The following AFAP1L2 variants were observed in gnomAD, a reference collection of about 807,000 sequenced individuals.
The protein encoded by AFAP1L2 is actin filament-associated protein 1-like 2.
In AFAP1L2, 46 loss-of-function variants were observed where a neutral mutation model predicts 99.3. The ratio of observed to expected loss-of-function variants is 0.46; its 90% CI spans 0.37 to 0.59. The LOEUF (loss-of-function observed/expected upper bound fraction) is 0.59, where lower values mean the gene tolerates loss of function less well. AFAP1L2 is among the 20% of genes least tolerant of loss of function. The pLI is 0.00. For missense variants in AFAP1L2, 959 were observed against 1,034.9 expected, an observed-to-expected ratio of 0.93 and a Z score of 1.01; for synonymous variants, 397 against 419.1, an observed-to-expected ratio of 0.95 and a Z score of 0.64.
chr10:114,299,547 G>T lies in AFAP1L2; in HGVS notation c.1958-132C>A. 2.9e-6 allele frequency: 3 copies of T among 1,049,084 alleles called. 1 individual carries two copies. 65.0% of individuals were successfully genotyped at this position (1,049,084 alleles called of 1,614,324 possible). ...CCTGCTAGGCTGGATGCCAGACCTG[G>T]ACAGGTCCCTCTACCTCTCTGAACT... is the stretch of plus-strand genomic sequence containing the variant. On this transcript the variant is annotated intron_variant, in intron 15 of 18. Transcript: ENST00000304129.
intron 1 of AFAP1L2, chr10:114,398,884 C>T (rs757596843): frequency 2.5e-5 from 33 of 1,304,228 alleles, no homozygotes; most frequent in South Asian, 3.7e-5. Flanking sequence ...CTCTGTACCA[C>T]CAGACAGCAA....
rs570957548 is a variant in AFAP1L2 at position 114,303,869 on chromosome 10, G to A, written c.1284+850C>T. On this transcript the variant is annotated intron_variant, in intron 11 of 18. Coordinates refer to ENST00000304129, the MANE Select transcript of AFAP1L2 (RefSeq NM_001001936.3). ...GCTCCAGCCTGTCACCCAGACCCCA[G>A]TACAAGTCTATAGCACCCTCCCCAC... 5.3e-5 allele frequency among the ~76,000 whole-genome samples: 8 copies of A among 152,296 alleles called. No individual in the cohort carries two copies. The South Asian group carries it at 1.2e-3, about 24-fold the overall frequency.
rs139204502 is a variant in AFAP1L2 at position 114,402,183 on chromosome 10, C to A, written c.16+2257G>T. Among the ~76,000 whole-genome samples the A allele has an allele frequency of 4.0e-3, 616 of 152,284 alleles. 3 individuals are homozygous for A. The highest frequency in any genetic ancestry group is 0.014 in the African/African-American group (575 of 41,548). On this transcript the variant is annotated intron_variant, in intron 1 of 18. Transcript: ENST00000304129. ...TATTCCAATAACTATTCAATCTCAA[C>A]TTTAAGAAGATGGCCCCAGTCTCTG...
At chr10:114,334,018 C>T (rs1216188262) in intron 2 of AFAP1L2, among the ~76,000 whole-genome samples, 2 of 152,068 alleles carry the variant, frequency 1.3e-5, no homozygotes, top group East Asian at 1.9e-4. Context: ...AAGTTTAGTT[C>T]GCAGGCCTCT....
downstream of AFAP1L2, chr10:114,290,453 C>G (rs1589850488): frequency 1.3e-6 from 2 of 1,508,232 alleles, no homozygotes; most frequent in Non-Finnish European, 1.8e-6. Flanking sequence ...AAGGCAGGTT[C>G]TAAAACATTC....
At chr10:114,306,163 A>G (rs1347899749) in intron 10 of AFAP1L2, among the ~76,000 whole-genome samples, 1 of 90,160 alleles carries the variant, frequency 1.1e-5, no homozygotes, top group Non-Finnish European at 2.2e-5. Flanking sequence ...GCAGGACGGG[A>G]TGGGGCTGCA....
chr10:114,317,610 G>A (rs767241237), intron 5 of AFAP1L2, among the ~76,000 whole-genome samples: 1 of 152,180 alleles, frequency 6.6e-6, no homozygotes, highest in Non-Finnish European at 1.5e-5. Flanking sequence ...TGTAATTCTG[G>A]CATTCTGGGA....
chr10:114,329,587 T>C (rs1248057698), intron 4 of AFAP1L2, among the ~76,000 whole-genome samples: 1 of 152,146 alleles, frequency 6.6e-6, no homozygotes, highest in African/African-American at 2.4e-5. Context: ...AACAGCCACC[T>C]TTCCACTCCC....
rs2048969009 is a variant in AFAP1L2, at chr10:114,342,560, G to A, written c.17-1829C>T. Reference sequence around the variant, plus strand: ...TGCAGGTGAGCACAGTGTAATCACAGTGGCTCTTATAAGCGGGGAGGTAGG... The same window carrying A: ...TGCAGGTGAGCACAGTGTAATCACAATGGCTCTTATAAGCGGGGAGGTAGG... On this transcript the variant is annotated intron_variant, in intron 1 of 18. Transcript: ENST00000304129. 1.3e-5 allele frequency among the ~76,000 whole-genome samples: 2 copies of A among 152,228 alleles called. 1 individual carries two copies. Among genetic ancestry groups the A allele is most frequent in the Admixed American group, 1.3e-4 (2 of 15,284 alleles).
chr10:114,286,560 T>A, the AFAP1L2 span: 1 of 1,475,932 alleles, frequency 6.8e-7, no homozygotes, highest in Non-Finnish European at 9.0e-7. Flanking sequence ...GGGCGGGTCC[T>A]TCCTCCTTTT....
intron 13 of AFAP1L2, 21 bp downstream of exon 13, chr10:114,301,333 A>C (rs2041148207): frequency 6.3e-7 from 1 of 1,592,334 alleles, no homozygotes; most frequent in Non-Finnish European, 8.6e-7. Context: ...GGCCCAGGCC[A>C]CTGCCTGGCC....
chr10:114,302,823 TAATA>T (rs547179567), intron 11 of AFAP1L2, among the ~76,000 whole-genome samples: 24 of 152,264 alleles, frequency 1.6e-4, no homozygotes, highest in Middle Eastern at 3.4e-3. Flanking sequence ...ACCTGTTAAT[TAATA>T]GTTTTTAAAA....
chr10:114,341,629 G>T (rs2048847395), intron 1 of AFAP1L2, among the ~76,000 whole-genome samples: 1 of 148,810 alleles, frequency 6.7e-6, no homozygotes, highest in Admixed American at 6.7e-5. Context: ...AAAAAGAAAA[G>T]AAAAGAAAAG....
chr10:114,300,716 A>C (rs1459849927), intron 13 of AFAP1L2, 26 bp from the exon 14 acceptor site: 2 of 1,559,898 alleles, frequency 1.3e-6, no homozygotes, highest in Non-Finnish European at 1.7e-6. Flanking sequence ...AGTCTGGGGC[A>C]TTCAACATTA....
intron 10 of AFAP1L2, among the ~76,000 whole-genome samples, chr10:114,305,607 A>AGATGCAGATGCAGGAGGG (rs2042134679): frequency 2.3e-5 from 2 of 88,230 alleles, no homozygotes; most frequent in Non-Finnish European, 4.5e-5. Context: ...CTGCAGAAGG[A>AGATGCAGATGCAGGAGGG]GATGCAGATG....
intron 1 of AFAP1L2, among the ~76,000 whole-genome samples, chr10:114,360,234 C>A (rs1220839137): frequency 1.3e-5 from 2 of 152,182 alleles, no homozygotes; most frequent in Non-Finnish European, 2.9e-5. Flanking sequence ...AGACATCAGT[C>A]TTGTTCTGCC....
the AFAP1L2 span, among the ~76,000 whole-genome samples, chr10:114,282,778 A>G: frequency 6.6e-6 from 1 of 152,170 alleles, no homozygotes; most frequent in South Asian, 2.1e-4. Context: ...CGGCTTTGGG[A>G]TTACTCCCCT....
chr10:114,290,243 C>T, downstream of AFAP1L2: 1 of 1,550,400 alleles, frequency 6.4e-7, no homozygotes, highest in Non-Finnish European at 8.7e-7. Context: ...ATTGTAGAAG[C>T]CAAGCAGCCA....
chr10:114,354,575 C>T (rs895620869), intron 1 of AFAP1L2, among the ~76,000 whole-genome samples: 7 of 152,224 alleles, frequency 4.6e-5, no homozygotes, highest in Non-Finnish European at 7.3e-5. Context: ...GGTCATCCCT[C>T]AGGCCCTGGT....
Sources: allele counts gnomAD v4.1 joint callset (sites outside exome capture counted in the v4.1 genomes callset), GRCh38; gene constraint gnomAD v4.1.1; transcripts MANE v1.5; gene names NCBI Gene and HGNC (gene_info 2026-07-23, HGNC 2026-07-21).